PDE4D: variants seen among roughly 807,000 people sequenced by gnomAD.
The protein encoded by PDE4D is 3',5'-cyclic-AMP phosphodiesterase 4D.
Under a neutral mutation model 87.4 loss-of-function variants are expected in PDE4D, and 24 were observed. The observed-to-expected ratio is 0.27, with a 90% CI of 0.20 to 0.39. The LOEUF is 0.39. Among genes scored for constraint, PDE4D ranks in the 10% least tolerant of loss-of-function variants. PDE4D has a pLI of 1.00. For synonymous variants in PDE4D, 384 were observed against 383.2 expected (o/e 1.00, Z -0.02); for missense variants, 714 against 1,041.0 (o/e 0.69, Z 4.32).
At chr5:59,888,380 C>G (rs945476203) in intron 1 of PDE4D, among the ~76,000 whole-genome samples, 12 of 152,228 alleles carry the variant, frequency 7.9e-5, no homozygotes, top group African/African-American at 2.9e-4. Flanking sequence ...TCTGATTAAT[C>G]AAAGGCTTAG....
At chr5:60,423,669 G>A (rs1743349423) in intron 1 of PDE4D, among the ~76,000 whole-genome samples, 1 of 152,056 alleles carries the variant, frequency 6.6e-6, no homozygotes, top group South Asian at 2.1e-4. Context: ...TCAAAAGCTA[G>A]CAGAAGACAA....
At chr5:59,621,086 T>G (rs867522052) in intron 1 of PDE4D, among the ~76,000 whole-genome samples, 44 of 152,160 alleles carry the variant, frequency 2.9e-4, no homozygotes, top group South Asian at 2.1e-4. Context: ...ATTGTAAAAG[T>G]TCAATTAGGC....
chr5:59,985,881 A>G (rs1210567249), intron 3 of PDE4D, among the ~76,000 whole-genome samples: 1 of 152,144 alleles, frequency 6.6e-6, no homozygotes, highest in Non-Finnish European at 1.5e-5. Flanking sequence ...TATATTTTCC[A>G]TTTGTGTTTG....
chr5:59,099,685 A>G (rs1770397569), intron 5 of PDE4D, among the ~76,000 whole-genome samples: 1 of 152,168 alleles, frequency 6.6e-6, no homozygotes, highest in African/African-American at 2.4e-5. Context: ...ATACAGACAA[A>G]CACATGATTA....
At chr5:60,237,053 C>G (rs1196862044) in intron 1 of PDE4D, among the ~76,000 whole-genome samples, 2 of 151,910 alleles carry the variant, frequency 1.3e-5, no homozygotes, top group Non-Finnish European at 2.9e-5. Flanking sequence ...TCACTACACA[C>G]CTCTTTGAAC....
intron 2 of PDE4D, among the ~76,000 whole-genome samples, chr5:60,084,938 T>A (rs1774371479): frequency 1.3e-5 from 2 of 152,214 alleles, no homozygotes; most frequent in Admixed American, 6.5e-5. Flanking sequence ...GGATGCAATG[T>A]CTACACAAAG....
At chr5:59,081,518 T>TAAAAA (rs35050580) in intron 5 of PDE4D, among the ~76,000 whole-genome samples, 2 of 135,432 alleles carry the variant, frequency 1.5e-5, no homozygotes, top group Non-Finnish European at 3.1e-5. Flanking sequence ...AGTAATCAGG[T>TAAAAA]AAAAAAAAAA....
chr5:59,182,500 G>C (rs2153479201), intron 4 of PDE4D, among the ~76,000 whole-genome samples: 1 of 151,944 alleles, frequency 6.6e-6, no homozygotes, highest in South Asian at 2.1e-4. Context: ...TTCTGGCTAA[G>C]AGTTTATCAT....
chr5:59,105,167 AC>A (rs970082795), intron 5 of PDE4D, among the ~76,000 whole-genome samples: 5 of 152,190 alleles, frequency 3.3e-5, no homozygotes, highest in African/African-American at 1.2e-4. Flanking sequence ...TGGTATATAC[AC>A]CATATAGCCA....
chr5:59,464,387 G>A (rs1397595488), intron 1 of PDE4D, among the ~76,000 whole-genome samples: 5 of 152,378 alleles, frequency 3.3e-5, no homozygotes, highest in African/African-American at 1.2e-4. Context: ...GGTGGGACAT[G>A]CGGGCAGCAA....
chr5:60,404,905 G>T (rs1741410437), intron 1 of PDE4D, among the ~76,000 whole-genome samples: 2 of 152,222 alleles, frequency 1.3e-5, no homozygotes, highest in Admixed American at 1.3e-4. Context: ...AGGAACCAGA[G>T]AATGAGAAAA....
At chr5:60,127,577 T>C in intron 2 of PDE4D, 1 of 495,486 alleles carries the variant, frequency 2.0e-6, no homozygotes. Context: ...AGTGATAGGG[T>C]ACTTACAGCA....
chr5:59,238,909 T>C (rs1757064622), intron 1 of PDE4D, among the ~76,000 whole-genome samples: 1 of 152,216 alleles, frequency 6.6e-6, no homozygotes, highest in South Asian at 2.1e-4. Flanking sequence ...TGGGAATAAC[T>C]AGAAACCAGA....
intron 1 of PDE4D, among the ~76,000 whole-genome samples, chr5:60,348,118 A>T (rs1026827472): frequency 1.8e-5 from 2 of 113,974 alleles, no homozygotes; most frequent in African/African-American, 6.4e-5. Flanking sequence ...GAAACAACAG[A>T]AGTCTTGATA....
chr5:60,383,610 T>C (rs1251324129), intron 1 of PDE4D, among the ~76,000 whole-genome samples: 1 of 152,232 alleles, frequency 6.6e-6, no homozygotes, highest in Non-Finnish European at 1.5e-5. Context: ...GAGAGGTGAA[T>C]GGACTTGTCC....
At chr5:59,131,378 A>G (rs13186015) in intron 5 of PDE4D, among the ~76,000 whole-genome samples, 25,442 of 152,072 alleles carry the variant, frequency 0.17, 2,185 homozygotes, top group African/African-American at 0.19. Flanking sequence ...CACAAGTACT[A>G]GTGAATTAAA....
At chr5:59,669,376 T>C (rs1746793501) in intron 1 of PDE4D, among the ~76,000 whole-genome samples, 1 of 152,170 alleles carries the variant, frequency 6.6e-6, no homozygotes, top group Non-Finnish European at 1.5e-5. Flanking sequence ...CCTCCCAAAA[T>C]GCTGGGATTA....
intron 1 of PDE4D, among the ~76,000 whole-genome samples, chr5:60,367,234 G>T (rs902078785): frequency 4.0e-5 from 6 of 151,776 alleles, no homozygotes; most frequent in African/African-American, 7.3e-5. Flanking sequence ...AGATCACCTG[G>T]AGTCAGGAGT....
intron 1 of PDE4D, among the ~76,000 whole-genome samples, chr5:59,369,791 T>C (rs1266617633): frequency 1.3e-5 from 2 of 152,130 alleles, no homozygotes; most frequent in African/African-American, 4.8e-5. Flanking sequence ...GAGTCTGCCA[T>C]AGCCTCAGGT....
Sources: gnomAD v4.1 joint callset for allele counts (sites outside exome capture counted in the v4.1 genomes callset) on GRCh38, gnomAD v4.1.1 for gene constraint, MANE v1.5 for transcripts, NCBI Gene and HGNC (gene_info 2026-07-23, HGNC 2026-07-21) for gene names.